PLEKHA8: variants seen among roughly 807,000 people sequenced by gnomAD.
PLEKHA8 encodes the protein pleckstrin homology domain containing A8.
In PLEKHA8, 36 loss-of-function variants were observed where a neutral mutation model predicts 68.2. That is an observed-to-expected ratio of 0.53 (90% confidence interval 0.40 to 0.70). The LOEUF (loss-of-function observed/expected upper bound fraction) is 0.70, where lower values mean the gene tolerates loss of function less well. PLEKHA8 is among the 30% of genes least tolerant of loss of function. The pLI is 0.00. For missense variants in PLEKHA8, 505 were observed against 615.4 expected, an observed-to-expected ratio of 0.82 and a Z score of 1.90; for synonymous variants, 211 against 216.1, an observed-to-expected ratio of 0.98 and a Z score of 0.20.
At chr7:30,109,698 G>A (rs1373920012) in intron 13 of PLEKHA8, among the ~76,000 whole-genome samples, 2 of 143,466 alleles carry the variant, frequency 1.4e-5, no homozygotes, top group African/African-American at 2.6e-5. Flanking sequence ...TAAAGACAGA[G>A]TCTCACTTTG....
chr7:30,079,380 G>A lies in PLEKHA8; in HGVS notation c.*593G>A. On this transcript the variant is annotated 3_prime_UTR_variant, in exon 14 of 14. Coordinates refer to ENST00000449726, the MANE Select transcript of PLEKHA8 (RefSeq NM_001197026.2). The stretch of plus-strand genomic sequence containing the variant: ...GGAGGCGAAGAAGACGTGGACAGGA[G>A]TCCCATCCTTGCTGACAGGCATGAA... 4.1e-6 allele frequency: 4 copies of A among 985,964 alleles called. No homozygotes were observed. Among genetic ancestry groups the A allele is most frequent in the Non-Finnish European group, 3.6e-6 (3 of 830,376 alleles). The allele number at this position is 985,964 out of a possible 1,614,324, so 61.1% of individuals were successfully genotyped here.
At chr7:30,094,229 A>G (rs527981243), downstream of PLEKHA8, among the ~76,000 whole-genome samples, 2 of 150,854 alleles carry the variant, frequency 1.3e-5, no homozygotes, top group African/African-American at 4.9e-5. Flanking sequence ...TAGTTCTTTG[A>G]TTTAATCTGC....
intron 12 of PLEKHA8, among the ~76,000 whole-genome samples, chr7:30,071,268 A>G (rs1300572550): frequency 1.3e-5 from 2 of 152,168 alleles, no homozygotes; most frequent in East Asian, 1.9e-4. Flanking sequence ...GGTCCTCACA[A>G]TTTGGCCCAA....
chr7:30,048,095 G>A (rs1477659411), intron 4 of PLEKHA8, 139 bp downstream of exon 4: 6 of 442,002 alleles, frequency 1.4e-5, no homozygotes, highest in Non-Finnish European at 2.0e-5. Context: ...GTTGCTTACA[G>A]GTGGTGTTTA....
Position 30,061,950 on chromosome 7 carries a change from G to T in PLEKHA8, c.1152G>T (p.Lys384Asn). 6.2e-7 allele frequency: 1 copy of T among 1,614,158 alleles called. No homozygotes were observed. Among genetic ancestry groups the T allele is most frequent in the Non-Finnish European group, 8.5e-7 (1 of 1,180,008 alleles). Residue 384 changes from lysine (K) to asparagine (N), a missense_variant, in exon 11 of 14, where the codon AAG becomes AAT. Transcript: ENST00000449726. ...TNKEEFTTLQ[K>N]IVLHEVEADV... ...AAGAAGAGTTTACCACTCTCCAGAA[G>T]ATAGTGCTGCACGAAGTGGAGGCGG...
Position 30,083,939 on chromosome 7 carries a change from T to C in PLEKHA8, c.*5152T>C. The C allele has an allele frequency of 3.0e-6, 3 of 985,508 alleles. No homozygotes were observed. The highest frequency in any genetic ancestry group is 4.7e-5 in the South Asian group (1 of 21,282). The allele number at this position is 985,508 out of a possible 1,614,324, so 61.0% of individuals were successfully genotyped here. ...TAGGTGTATATGGAGTCAGTGTTGA[T>C]AGGAAGGATGCTCTAGAAGTACTTC... On this transcript the variant is annotated 3_prime_UTR_variant, in exon 14 of 14. Transcript: ENST00000449726.
At position 30,082,124 on chromosome 7, in the gene PLEKHA8, A is replaced by G. The variant is rs1794964809; in HGVS notation, c.*3337A>G. Reference sequence around the variant, plus strand: ...GCCCAAGACATTGACTTCGAAGGGTAGTTCTCATTAGGATGTATAAGTAGT... The same window carrying G: ...GCCCAAGACATTGACTTCGAAGGGTGGTTCTCATTAGGATGTATAAGTAGT... On this transcript the variant is annotated 3_prime_UTR_variant, in exon 14 of 14. Coordinates refer to ENST00000449726, the MANE Select transcript of PLEKHA8 (RefSeq NM_001197026.2). 4.1e-6 allele frequency: 4 copies of G among 985,250 alleles called. No individual in the cohort carries two copies. The highest frequency in any genetic ancestry group is 3.6e-6 in the Non-Finnish European group (3 of 829,908). 61.0% of individuals were successfully genotyped at this position (985,250 alleles called of 1,614,324 possible). A position where few individuals can be genotyped will look rare whatever the true frequency, so the allele number is the denominator to read the frequency against.
chr7:30,085,106 G>A (rs188422706), downstream of PLEKHA8, among the ~76,000 whole-genome samples: 150 of 152,032 alleles, frequency 9.9e-4, no homozygotes, highest in African/African-American at 3.4e-3. Context: ...TACCATGTCT[G>A]ACTTTTAATT....
chr7:30,083,627 G>C lies in PLEKHA8; in HGVS notation c.*4840G>C. ...CTTTCTTCTCTGCTGTTTTTATATA[G>C]CCTTTAATTAAAAGGAAAAAAATAC... is the stretch of plus-strand genomic sequence containing the variant. On this transcript the variant is annotated 3_prime_UTR_variant, in exon 14 of 14. Transcript: ENST00000449726. 3 of 985,226 alleles carry C rather than the reference G, an allele frequency of 3.0e-6. No individual in the cohort carries two copies. Among genetic ancestry groups the C allele is most frequent in the Non-Finnish European group, 3.6e-6 (3 of 829,846 alleles). 61.0% of individuals were successfully genotyped at this position (985,226 alleles called of 1,614,324 possible). A position where few individuals can be genotyped will look rare whatever the true frequency, so the allele number is the denominator to read the frequency against.
chr7:30,090,217 GAAGA>G (rs774324562), exon 13 of PLEKHA8: 29 of 1,544,468 alleles, frequency 1.9e-5, no homozygotes, highest in Non-Finnish European at 2.4e-5. Flanking sequence ...CTTCAAGAAT[GAAGA>G]AAGAATTCCT....
intron 11 of PLEKHA8, 109 bp from the exon 12 acceptor site, chr7:30,062,563 G>A: frequency 1.3e-6 from 1 of 777,974 alleles, no homozygotes; most frequent in South Asian, 1.5e-5. Context: ...CCTATTCACT[G>A]CTGTGCCTAA....
At chr7:30,109,586 CAAAAAAAAAA>C (rs1166200858) in intron 13 of PLEKHA8, among the ~76,000 whole-genome samples, 19 of 41,622 alleles carry the variant, frequency 4.6e-4, no homozygotes, top group Middle Eastern at 0.015. Context: ...AACTCTGTCT[CAAAAAAAAAA>C]AAAAAAAAAA....
chr7:30,048,038 A>C, intron 4 of PLEKHA8, 82 bp downstream of exon 4: 11 of 820,308 alleles, frequency 1.3e-5, no homozygotes, highest in Non-Finnish European at 1.7e-5. Context: ...TTCTGAGGTA[A>C]AATATTATTT....
At position 30,028,473 on chromosome 7, in the gene PLEKHA8, G is replaced by T; in HGVS notation, c.-290G>T. ...TCGCCGCACTTTGGAGGCTTCGGCT[G>T]CCCCTCCGACCCACGTAGGGCCCGG... On this transcript the variant is annotated 5_prime_UTR_variant, in exon 1 of 14. Coordinates refer to ENST00000449726, the MANE Select transcript of PLEKHA8 (RefSeq NM_001197026.2). 1 of 333,230 alleles carries T rather than the reference G, an allele frequency of 3.0e-6. No individual in the cohort carries two copies. 20.6% of individuals were successfully genotyped at this position (333,230 alleles called of 1,614,324 possible).
At chr7:30,045,526 T>C (rs1445681543) in intron 2 of PLEKHA8, among the ~76,000 whole-genome samples, 1 of 152,230 alleles carries the variant, frequency 6.6e-6, no homozygotes, top group Admixed American at 6.5e-5. Flanking sequence ...CAAACACTTT[T>C]GTGTTTAAAT....
At chr7:30,049,051 T>C (rs1792189503) in intron 4 of PLEKHA8, 173 bp from the exon 5 acceptor site, 3 of 735,606 alleles carry the variant, frequency 4.1e-6, no homozygotes, top group Admixed American at 5.3e-5. Context: ...CAAATAGTGC[T>C]GATAGTTACT....
intron 12 of PLEKHA8, among the ~76,000 whole-genome samples, chr7:30,066,662 G>A (rs1427138791): frequency 6.6e-6 from 1 of 152,168 alleles, no homozygotes; most frequent in Non-Finnish European, 1.5e-5. Context: ...AAGCATCCTT[G>A]CAAGTGGAAG....
chr7:30,095,667 G>T (rs541615725), downstream of PLEKHA8, among the ~76,000 whole-genome samples: 1 of 152,098 alleles, frequency 6.6e-6, no homozygotes, highest in Non-Finnish European at 1.5e-5. Context: ...GGTCTAACAT[G>T]TAAATCTTTA....
intron 1 of PLEKHA8, among the ~76,000 whole-genome samples, chr7:30,042,337 C>T (rs1023093344): frequency 2.0e-5 from 3 of 152,172 alleles, no homozygotes; most frequent in Non-Finnish European, 4.4e-5. Context: ...TACACAGACA[C>T]CCTGACACTC....
Sources: gnomAD v4.1 joint callset for allele counts (sites outside exome capture counted in the v4.1 genomes callset) on GRCh38, gnomAD v4.1.1 for gene constraint, MANE v1.5 for transcripts, NCBI Gene and HGNC (gene_info 2026-07-23, HGNC 2026-07-21) for gene names.